Variants in CDC42BPB observed in about 807,000 individuals in gnomAD.
CDC42BPB encodes CDC42 binding protein kinase beta, also known as serine/threonine-protein kinase MRCK beta.
In CDC42BPB, 37 loss-of-function variants were observed where a neutral mutation model predicts 214.9. The ratio of observed to expected loss-of-function variants is 0.17; its 90% CI spans 0.13 to 0.23. The LOEUF (loss-of-function observed/expected upper bound fraction) is 0.23, where lower values mean the gene tolerates loss of function less well. Ranked by LOEUF, CDC42BPB falls within the 10% of genes least tolerant of loss-of-function variation. The probability of loss-of-function intolerance (pLI) is 1.00; values close to 1 mark genes in which losing one functional copy is unlikely to be tolerated. For synonymous variants in CDC42BPB, 931 were observed against 884.0 expected (o/e 1.05, Z -0.94); for missense variants, 1,694 against 2,227.0 (o/e 0.76, Z 4.82).
intron 1 of CDC42BPB, among the ~76,000 whole-genome samples, chr14:103,031,529 C>T (rs1251227190): frequency 2.0e-5 from 3 of 152,196 alleles, no homozygotes; most frequent in Non-Finnish European, 4.4e-5. Context: ...CTTAAACAAA[C>T]GCTGCAGTAA....
chr14:103,015,854 A>G (rs1349699364), intron 1 of CDC42BPB, among the ~76,000 whole-genome samples: 1 of 150,342 alleles, frequency 6.7e-6, no homozygotes, highest in African/African-American at 2.4e-5. Context: ...GATTACAGGC[A>G]CGTGCCACCA....
At chr14:102,953,517 G>T (rs1036926049) in intron 23 of CDC42BPB, among the ~76,000 whole-genome samples, 1 of 152,258 alleles carries the variant, frequency 6.6e-6, no homozygotes, top group Non-Finnish European at 1.5e-5. Context: ...CCTGTGGCAG[G>T]AAGCACAGGC....
intron 24 of CDC42BPB, among the ~76,000 whole-genome samples, chr14:102,952,062 G>C (rs887578438): frequency 6.6e-6 from 1 of 152,114 alleles, no homozygotes. Flanking sequence ...AAATAAACCT[G>C]CCAGGCTGGG....
At chr14:102,937,201 C>T (rs1891680232) in intron 36 of CDC42BPB, 1 of 152,400 alleles carries the variant, frequency 6.6e-6, no homozygotes, top group African/African-American at 2.4e-5. Context: ...GACCAGGAAA[C>T]AGCGGACAAA....
At chr14:102,934,073 C>T in intron 36 of CDC42BPB, 2 of 1,282,966 alleles carry the variant, frequency 1.6e-6, no homozygotes, top group Admixed American at 4.3e-5. Context: ...TGGTAATTAT[C>T]ATTACAAAAG....
intron 1 of CDC42BPB, among the ~76,000 whole-genome samples, chr14:103,014,759 C>T (rs1222114708): frequency 2.0e-5 from 3 of 152,046 alleles, no homozygotes; most frequent in African/African-American, 7.2e-5. Flanking sequence ...GGAAACAGAA[C>T]AAATGAGTCC....
chr14:103,023,731 A>G (rs1171794569), intron 1 of CDC42BPB, among the ~76,000 whole-genome samples: 1 of 152,192 alleles, frequency 6.6e-6, no homozygotes. Context: ...ATTCATAAAC[A>G]TATACACTTT....
rs530395085 is a variant in CDC42BPB at position 102,998,946 on chromosome 14, G to A, written c.596+619C>T. Among the ~76,000 whole-genome samples, 427 of 131,446 alleles carry A rather than the reference G, an allele frequency of 3.2e-3. 2 individuals are homozygous for A. Among genetic ancestry groups the A allele is most frequent in the African/African-American group, 0.012 (399 of 34,426 alleles). 86.2% of individuals were successfully genotyped at this position (131,446 alleles called of 152,430 possible). A position where few individuals can be genotyped will look rare whatever the true frequency, so the allele number is the denominator to read the frequency against. ...TTGGGCGGTAGAGACAGAGGACCCC[G>A]GGGCCCACGTGAGCCCCAGGGAGCA... is the stretch of plus-strand genomic sequence containing the variant. On this transcript the variant is annotated intron_variant, in intron 5 of 36. Transcript: ENST00000361246.
intron 1 of CDC42BPB, among the ~76,000 whole-genome samples, chr14:103,044,366 C>CTTTT (rs869225876): frequency 5.4e-5 from 7 of 129,044 alleles, no homozygotes; most frequent in South Asian, 2.4e-4. Context: ...CAGCCGGCAC[C>CTTTT]TTTTTTTTTT....
At chr14:102,983,148 T>A (rs1405077877) in intron 7 of CDC42BPB, among the ~76,000 whole-genome samples, 1 of 152,138 alleles carries the variant, frequency 6.6e-6, no homozygotes, top group African/African-American at 2.4e-5. Context: ...CCAGTGAATC[T>A]AGAGCCACAG....
intron 36 of CDC42BPB, 56 bp from the exon 37 acceptor site, chr14:102,933,899 G>C: frequency 6.8e-7 from 1 of 1,462,762 alleles, no homozygotes. Flanking sequence ...GGGGAGGCAC[G>C]CGTGCCCAGC....
rs1893201129 is a variant in CDC42BPB at position 102,966,367 on chromosome 14, G to A, written c.2492C>T (p.Ala831Val). Residue 831 changes from alanine to valine, a missense_variant, in exon 18 of 37, where the codon GCC (alanine) becomes GTC (valine). Coordinates refer to ENST00000361246, the MANE Select transcript of CDC42BPB (RefSeq NM_006035.4). ...IIQWVSDEKD[A>V]RGYLQALASK... ...AGCAAGAGCTTGAAGGTAACCCCGG[G>A]CATCTTTCTCGTCACTGACCCTGGA... 6.2e-7 allele frequency: 1 copy of A among 1,613,700 alleles called. No individual in the cohort carries two copies. The highest frequency in any genetic ancestry group is 8.5e-7 in the Non-Finnish European group (1 of 1,179,794).
intron 1 of CDC42BPB, among the ~76,000 whole-genome samples, chr14:103,051,472 T>C (rs968180667): frequency 2.0e-5 from 3 of 151,890 alleles, no homozygotes; most frequent in African/African-American, 7.3e-5. Flanking sequence ...AGAAAAGCAT[T>C]TGACAGTTTC....
At chr14:102,947,076 C>T (rs547137241) in intron 27 of CDC42BPB, among the ~76,000 whole-genome samples, 3 of 152,318 alleles carry the variant, frequency 2.0e-5, no homozygotes, top group East Asian at 1.9e-4. Context: ...CCTCTGAGCA[C>T]GCATGCTACC....
intron 12 of CDC42BPB, among the ~76,000 whole-genome samples, chr14:102,972,610 A>C (rs34866720): frequency 1.3e-5 from 2 of 148,614 alleles, no homozygotes; most frequent in East Asian, 4.1e-4. Context: ...AACGGTGTGA[A>C]CCTGGGAGGC....
intron 1 of CDC42BPB, among the ~76,000 whole-genome samples, chr14:103,039,170 C>A (rs1456381290): frequency 6.6e-6 from 1 of 150,760 alleles, no homozygotes; most frequent in Non-Finnish European, 1.5e-5. Context: ...GCCTGGACAG[C>A]TTCACAGGTG....
At chr14:103,038,894 A>AG (rs958379114) in intron 1 of CDC42BPB, among the ~76,000 whole-genome samples, 11 of 152,276 alleles carry the variant, frequency 7.2e-5, no homozygotes, top group African/African-American at 2.6e-4. Context: ...AGATTGACCA[A>AG]GAAAAAAAAC....
rs1413619571 is a variant in CDC42BPB at position 102,974,034 on chromosome 14, C to T, written c.1623G>A (p.Glu541=). 1.2e-6 allele frequency: 2 copies of T among 1,610,874 alleles called. No homozygotes were observed. The highest frequency in any genetic ancestry group is 2.2e-5 in the South Asian group (2 of 90,888). The part of the protein sequence containing the change: ...LEKQHRVVRQ[E]KEELHKQLVE... ...CACCTACCTTGTGCAGCTCCTCCTT[C>T]TCCTGCCGGACCACGCGGTGCTGCT... is the stretch of plus-strand genomic sequence containing the variant. The change falls in exon 12 of 37, where the codon GAG becomes GAA. Residue 541 remains glutamate (E), a synonymous_variant. Coordinates refer to ENST00000361246, the MANE Select transcript of CDC42BPB (RefSeq NM_006035.4).
At chr14:103,027,607 G>T (rs1447483251) in intron 1 of CDC42BPB, among the ~76,000 whole-genome samples, 1 of 152,094 alleles carries the variant, frequency 6.6e-6, no homozygotes, top group Non-Finnish European at 1.5e-5. Context: ...AATGAAAGAA[G>T]CCAGCTACAA....
Sources: allele counts gnomAD v4.1 joint callset (sites outside exome capture counted in the v4.1 genomes callset), GRCh38; gene constraint gnomAD v4.1.1; transcripts MANE v1.5; gene names NCBI Gene and HGNC (gene_info 2026-07-23, HGNC 2026-07-21).